GPC6: variants seen among roughly 807,000 people sequenced by gnomAD.
GPC6 encodes glypican 6.
Under a neutral mutation model 55.2 loss-of-function variants are expected in GPC6, and 14 were observed. The ratio of observed to expected loss-of-function variants is 0.25; its 90% CI spans 0.17 to 0.40. The LOEUF (loss-of-function observed/expected upper bound fraction) is 0.40. Among genes scored for constraint, GPC6 ranks in the 10% least tolerant of loss-of-function variants. The pLI, the probability that GPC6 is intolerant of heterozygous loss-of-function variation, is 1.00. For synonymous variants in GPC6, 278 were observed against 259.6 expected (o/e 1.07, Z -0.68); for missense variants, 641 against 708.5 (o/e 0.90, Z 1.08).
At chr13:93,414,359 A>G (rs1050571681) in intron 1 of GPC6, among the ~76,000 whole-genome samples, 1 of 152,050 alleles carries the variant, frequency 6.6e-6, no homozygotes, top group Non-Finnish European at 1.5e-5. Flanking sequence ...CTGTGCTCAT[A>G]TAGTGCTTTT....
chr13:94,223,212 T>G (rs1890441002), intron 4 of GPC6, among the ~76,000 whole-genome samples: 1 of 152,166 alleles, frequency 6.6e-6, no homozygotes. Context: ...CCATCTCATG[T>G]GTTATGTAAA....
intron 1 of GPC6, among the ~76,000 whole-genome samples, chr13:93,244,179 G>A (rs1320855685): frequency 6.6e-6 from 1 of 152,148 alleles, no homozygotes; most frequent in Non-Finnish European, 1.5e-5. Context: ...TCCACGCTGG[G>A]AGCCGGGCAG....
At chr13:93,324,587 CATAT>C (rs34871661) in intron 1 of GPC6, among the ~76,000 whole-genome samples, 4,608 of 122,736 alleles carry the variant, frequency 0.038, 286 homozygotes, top group African/African-American at 0.12. Flanking sequence ...CACATACATA[CATAT>C]ATATATATAT....
At chr13:93,876,140 A>G (rs1889286767) in intron 3 of GPC6, among the ~76,000 whole-genome samples, 1 of 152,008 alleles carries the variant, frequency 6.6e-6, no homozygotes, top group Non-Finnish European at 1.5e-5. Context: ...TGATATTTGT[A>G]AGTTTCTAAA....
intron 1 of GPC6, among the ~76,000 whole-genome samples, chr13:93,287,428 G>C (rs1451644390): frequency 1.3e-5 from 2 of 152,148 alleles, no homozygotes; most frequent in Non-Finnish European, 2.9e-5. Context: ...TCCCCGCCTG[G>C]TGTCTGTTCT....
At chr13:93,790,358 C>T (rs2138921602) in intron 2 of GPC6, among the ~76,000 whole-genome samples, 1 of 152,260 alleles carries the variant, frequency 6.6e-6, no homozygotes, top group South Asian at 2.1e-4. Flanking sequence ...GTGGACACTA[C>T]AGATTCCTGT....
rs565670561 is a variant in GPC6 at position 94,317,825 on chromosome 13, G to A, written c.1152+11702G>A. On this transcript the variant is annotated intron_variant, in intron 6 of 8. Coordinates refer to ENST00000377047, the MANE Select transcript of GPC6 (RefSeq NM_005708.5). ...ATAACTTGGATCGTAGTATGACAAG[G>A]AAGGGTATAGTGTATGTGAGTGTGA... is the stretch of plus-strand genomic sequence containing the variant. Among the ~76,000 whole-genome samples the A allele has an allele frequency of 2.6e-5, 4 of 152,152 alleles. No homozygotes were observed. The East Asian group carries it at 7.7e-4, about 29-fold the overall frequency.
chr13:93,954,499 G>T (rs577466439), intron 3 of GPC6, among the ~76,000 whole-genome samples: 4 of 152,124 alleles, frequency 2.6e-5, no homozygotes, highest in Admixed American at 6.6e-5. Flanking sequence ...GTAGAGACAG[G>T]TTTCACCATG....
chr13:94,276,496 C>T (rs1160712749), intron 4 of GPC6, among the ~76,000 whole-genome samples: 2 of 151,788 alleles, frequency 1.3e-5, no homozygotes, highest in African/African-American at 2.4e-5. Flanking sequence ...TTTTAAGTTT[C>T]GGGATACATG....
intron 2 of GPC6, among the ~76,000 whole-genome samples, chr13:93,710,173 A>G (rs1883004723): frequency 6.6e-6 from 1 of 151,826 alleles, no homozygotes; most frequent in East Asian, 1.9e-4. Context: ...AATTACATGA[A>G]CATAATTGAA....
intron 2 of GPC6, among the ~76,000 whole-genome samples, chr13:93,659,788 G>A (rs893544580): frequency 6.6e-6 from 1 of 152,068 alleles, no homozygotes; most frequent in Middle Eastern, 3.4e-3. Flanking sequence ...TTTTATTTAG[G>A]TAATCTAACT....
intron 6 of GPC6, among the ~76,000 whole-genome samples, chr13:94,370,509 G>T (rs955367007): frequency 1.3e-5 from 2 of 152,188 alleles, no homozygotes; most frequent in African/African-American, 4.8e-5. Flanking sequence ...AGGCACGTTA[G>T]AAGTGTTTAA....
intron 1 of GPC6, among the ~76,000 whole-genome samples, chr13:93,480,084 A>G (rs1345709624): frequency 6.6e-6 from 1 of 152,212 alleles, no homozygotes; most frequent in African/African-American, 2.4e-5. Context: ...CAACATAGAC[A>G]TTATTCTTTA....
chr13:93,256,854 T>A (rs1431849628), intron 1 of GPC6, among the ~76,000 whole-genome samples: 2 of 152,228 alleles, frequency 1.3e-5, no homozygotes, highest in East Asian at 3.8e-4. Flanking sequence ...ACATTGAGAC[T>A]GATGTTGAGA....
intron 3 of GPC6, among the ~76,000 whole-genome samples, chr13:93,980,178 T>A (rs1337022484): frequency 1.3e-5 from 2 of 152,110 alleles, no homozygotes; most frequent in Non-Finnish European, 2.9e-5. Flanking sequence ...CTGAGGCTTT[T>A]CTCCCCTTTT....
the GPC6 span, among the ~76,000 whole-genome samples, chr13:93,218,724 C>T: frequency 2.2e-4 from 34 of 152,276 alleles, no homozygotes; most frequent in Non-Finnish European, 3.7e-4. Context: ...AGTTGTTTTC[C>T]TGACTTAGTA....
At chr13:93,637,328 G>C (rs112003451) in intron 2 of GPC6, among the ~76,000 whole-genome samples, 1 of 152,168 alleles carries the variant, frequency 6.6e-6, no homozygotes, top group African/African-American at 2.4e-5. Flanking sequence ...AAGACTATTT[G>C]AGCCTCCTCA....
chr13:93,816,132 A>T (rs565562820), intron 2 of GPC6, among the ~76,000 whole-genome samples: 2 of 152,104 alleles, frequency 1.3e-5, no homozygotes, highest in African/African-American at 4.8e-5. Flanking sequence ...TCTAAGATTG[A>T]TTTTTTTTCT....
intron 6 of GPC6, among the ~76,000 whole-genome samples, chr13:94,312,733 C>CAA (rs1876316935): frequency 7.2e-6 from 1 of 138,016 alleles, no homozygotes; most frequent in African/African-American, 3.2e-5. Flanking sequence ...CACACACACA[C>CAA]ACACACACAT....
Sources: allele counts gnomAD v4.1 joint callset (sites outside exome capture counted in the v4.1 genomes callset), GRCh38; gene constraint gnomAD v4.1.1; transcripts MANE v1.5; gene names NCBI Gene and HGNC (gene_info 2026-07-23, HGNC 2026-07-21).